The following UMAD1 variants were observed in gnomAD, a reference collection of about 807,000 sequenced individuals.
The protein encoded by UMAD1 is UBAP1-MVB12-associated (UMA) domain containing 1, also known as UBAP1-MVB12-associated (UMA)-domain containing protein 1.
A neutral mutation model predicts 6.1 loss-of-function variants in UMAD1; 8 were observed. The ratio of observed to expected loss-of-function variants is 1.30; its 90% confidence interval spans 0.76 to 2.35. The LOEUF is 2.35. UMAD1 is among the 30% of genes most tolerant of loss of function. The probability of loss-of-function intolerance (pLI) is 0.00; values close to 1 mark genes in which losing one functional copy is unlikely to be tolerated. For missense variants in UMAD1, 130 were observed against 78.4 expected, an observed-to-expected ratio of 1.66 and a Z score of -2.49; for synonymous variants, 56 against 31.4, an observed-to-expected ratio of 1.78 and a Z score of -2.61.
intron 2 of UMAD1, among the ~76,000 whole-genome samples, chr7:7,724,618 C>G (rs1222209433): frequency 6.6e-6 from 1 of 152,220 alleles, no homozygotes; most frequent in South Asian, 2.1e-4. Flanking sequence ...CCACTCAGCT[C>G]TCCTGTTTGG....
intron 2 of UMAD1, among the ~76,000 whole-genome samples, chr7:7,773,858 C>A (rs1015569174): frequency 2.6e-5 from 4 of 152,160 alleles, no homozygotes; most frequent in Non-Finnish European, 5.9e-5. Context: ...CTTACCATTT[C>A]CAGCCTTGCA....
chr7:7,753,130 ATTTAT>A (rs1038846531), intron 2 of UMAD1, among the ~76,000 whole-genome samples: 3 of 152,048 alleles, frequency 2.0e-5, no homozygotes, highest in Non-Finnish European at 2.9e-5. Context: ...TCATCTTTTT[ATTTAT>A]TTTAATTTTT....
intron 1 of UMAD1, among the ~76,000 whole-genome samples, chr7:7,669,266 T>C (rs779041710): frequency 1.1e-4 from 17 of 152,142 alleles, no homozygotes; most frequent in Admixed American, 5.9e-4. Flanking sequence ...TATTTTGATA[T>C]AGGGTCTGAC....
At chr7:7,670,345 G>T (rs1280230591) in intron 1 of UMAD1, among the ~76,000 whole-genome samples, 1 of 152,128 alleles carries the variant, frequency 6.6e-6, no homozygotes, top group Non-Finnish European at 1.5e-5. Context: ...ACTTCGTAAA[G>T]GGTCTCTCTA....
chr7:7,718,778 C>T (rs569838603), intron 2 of UMAD1, among the ~76,000 whole-genome samples: 2 of 152,114 alleles, frequency 1.3e-5, no homozygotes, highest in South Asian at 4.1e-4. Flanking sequence ...TTTCTTTTTT[C>T]TTTCTGACTC....
intron 2 of UMAD1, among the ~76,000 whole-genome samples, chr7:7,716,193 T>C (rs987919839): frequency 2.0e-5 from 3 of 152,102 alleles, no homozygotes; most frequent in African/African-American, 7.2e-5. Flanking sequence ...CCATAGGTAG[T>C]TTTAGATGCC....
At chr7:7,835,928 A>G (rs998003613) in intron 3 of UMAD1, among the ~76,000 whole-genome samples, 1 of 151,974 alleles carries the variant, frequency 6.6e-6, no homozygotes, top group Non-Finnish European at 1.5e-5. Flanking sequence ...GGATATTTTT[A>G]CATTCACTGA....
intron 3 of UMAD1, among the ~76,000 whole-genome samples, chr7:7,821,089 T>G (rs13224711): frequency 7.9e-5 from 12 of 152,016 alleles, no homozygotes; most frequent in African/African-American, 2.9e-4. Context: ...ACTGTGTTCA[T>G]GAACACAAAA....
intron 2 of UMAD1, among the ~76,000 whole-genome samples, chr7:7,674,169 C>A (rs1325135466): frequency 6.6e-6 from 1 of 152,144 alleles, no homozygotes; most frequent in African/African-American, 2.4e-5. Context: ...CATGCTGGAC[C>A]TCCTCCCACC....
chr7:7,869,323 A>G lies in UMAD1; in HGVS notation c.157-7958A>G, dbSNP rs1361883960. ...AGTGACAGTGTTGCTTGTTCAGGCT[A>G]TTGTTCAAAGAAGCACGTCTTTTAT... On this transcript the variant is annotated intron_variant, in intron 3 of 3. Transcript: ENST00000682710. Among the ~76,000 whole-genome samples, 7 of 152,208 alleles carry G rather than the reference A, an allele frequency of 4.6e-5. No individual in the cohort carries two copies. The South Asian group carries it at 6.2e-4, about 13-fold the overall frequency.
At chr7:7,747,891 A>C (rs1354222252) in intron 2 of UMAD1, among the ~76,000 whole-genome samples, 1 of 152,222 alleles carries the variant, frequency 6.6e-6, no homozygotes, top group African/African-American at 2.4e-5. Context: ...TTATTAGATG[A>C]TGTGCCATTT....
At chr7:7,824,853 T>G (rs1448299379) in intron 3 of UMAD1, among the ~76,000 whole-genome samples, 1 of 152,180 alleles carries the variant, frequency 6.6e-6, no homozygotes, top group Admixed American at 6.6e-5. Flanking sequence ...ACCATTTGTC[T>G]CTCTTTCACA....
intron 2 of UMAD1, among the ~76,000 whole-genome samples, chr7:7,724,734 C>T (rs970085451): frequency 5.9e-5 from 9 of 152,216 alleles, no homozygotes; most frequent in Non-Finnish European, 2.9e-5. Context: ...GGTTTCATTG[C>T]TTGAGCAAAT....
At chr7:7,843,038 A>G (rs542689794) in intron 3 of UMAD1, among the ~76,000 whole-genome samples, 1 of 152,238 alleles carries the variant, frequency 6.6e-6, no homozygotes, top group Non-Finnish European at 1.5e-5. Context: ...TGGTTCATCC[A>G]GTACTCTTAG....
chr7:7,642,573 C>T (rs1184068485), intron 1 of UMAD1, among the ~76,000 whole-genome samples: 3 of 151,958 alleles, frequency 2.0e-5, no homozygotes, highest in Non-Finnish European at 2.9e-5. Context: ...TCTTTTAAAA[C>T]AGGGAGATGA....
At chr7:7,789,250 C>T (rs1198085060) in intron 2 of UMAD1, among the ~76,000 whole-genome samples, 2 of 151,240 alleles carry the variant, frequency 1.3e-5, no homozygotes, top group South Asian at 2.1e-4. Context: ...TTTATTGAGC[C>T]GTAACCAATT....
chr7:7,755,108 C>T (rs145050648), intron 2 of UMAD1, among the ~76,000 whole-genome samples: 5 of 152,254 alleles, frequency 3.3e-5, no homozygotes, highest in African/African-American at 7.2e-5. Context: ...CACTCCACAT[C>T]GAATGCCTGC....
Position 7,800,743 on chromosome 7 carries a change from A to G in UMAD1, c.83-927A>G, listed in dbSNP as rs537656302. ...TTGCATATGGAGAAATTAAGCTTAG[A>G]CAAGATTTTCATACTTTATCTCCAG... On this transcript the variant is annotated intron_variant, in intron 2 of 3. Transcript: ENST00000682710. Among the ~76,000 whole-genome samples the G allele has an allele frequency of 2.6e-5, 4 of 152,320 alleles. No homozygotes were observed. In the East Asian group the frequency reaches 7.7e-4, roughly 29 times the overall value.
At chr7:7,730,735 C>G (rs1276243221) in intron 2 of UMAD1, among the ~76,000 whole-genome samples, 1 of 152,006 alleles carries the variant, frequency 6.6e-6, no homozygotes, top group Non-Finnish European at 1.5e-5. Flanking sequence ...GAAAAAAAAC[C>G]CTCAAAATCT....
Sources: gnomAD v4.1 joint callset for allele counts (sites outside exome capture counted in the v4.1 genomes callset) on GRCh38, gnomAD v4.1.1 for gene constraint, MANE v1.5 for transcripts, NCBI Gene and HGNC (gene_info 2026-07-23, HGNC 2026-07-21) for gene names.